Variants in NCAM1 observed in about 807,000 individuals in gnomAD.
The protein encoded by NCAM1 is neural cell adhesion molecule 1, also known as antigen recognized by monoclonal antibody 5.1H11.
NCAM1 carries 14 observed loss-of-function variants against 109.8 expected under a neutral mutation model. The ratio of observed to expected loss-of-function variants is 0.13; its 90% CI spans 0.08 to 0.20. NCAM1 has a LOEUF of 0.20. Among genes scored for constraint, NCAM1 ranks in the 10% least tolerant of loss-of-function variants. The probability of loss-of-function intolerance (pLI) is 1.00; values close to 1 mark genes in which losing one functional copy is unlikely to be tolerated. For synonymous variants in NCAM1, 418 were observed against 442.9 expected (o/e 0.94, Z 0.70); for missense variants, 774 against 1,109.9 (o/e 0.70, Z 4.30).
At chr11:113,210,775 AACACACACAC>A (rs35387760) in intron 7 of NCAM1, among the ~76,000 whole-genome samples, 2,048 of 130,970 alleles carry the variant, frequency 0.016, 28 homozygotes, top group East Asian at 0.061. Flanking sequence ...CTTCATCACA[AACACACACAC>A]ACACACACAC....
intron 1 of NCAM1, among the ~76,000 whole-genome samples, chr11:113,113,366 A>G (rs1415649299): frequency 6.6e-6 from 1 of 152,204 alleles, no homozygotes; most frequent in Non-Finnish European, 1.5e-5. Context: ...TGGGCAATGT[A>G]AAGAAATAAG....
At chr11:113,224,103 C>T (rs782397597) in intron 9 of NCAM1, among the ~76,000 whole-genome samples, 9 of 152,220 alleles carry the variant, frequency 5.9e-5, no homozygotes, top group Non-Finnish European at 8.8e-5. Context: ...GTGGGTGCAG[C>T]GCACCGAGCG....
chr11:113,141,018 G>A (rs1941799801), intron 1 of NCAM1, among the ~76,000 whole-genome samples: 1 of 152,004 alleles, frequency 6.6e-6, no homozygotes, highest in Non-Finnish European at 1.5e-5. Flanking sequence ...TCTTCCTGTT[G>A]TTCACTTATG....
chr11:113,177,457 T>A lies in NCAM1; in HGVS notation c.53-24922T>A, dbSNP rs138422953. ...TTGTTGTTGTTGTTGTTGTTGTTGC[T>A]GGAGTCTCGCTCTGTCATCAGGCTG... On this transcript the variant is annotated intron_variant, in intron 1 of 19. Transcript: ENST00000316851. Among the ~76,000 whole-genome samples, 634 of 152,262 alleles carry A rather than the reference T, an allele frequency of 4.2e-3. 3 individuals are homozygous for A. The highest frequency in any genetic ancestry group is 0.015 in the African/African-American group (603 of 41,548).
intron 1 of NCAM1, among the ~76,000 whole-genome samples, chr11:113,089,588 G>T (rs926485932): frequency 1.3e-5 from 2 of 152,074 alleles, no homozygotes; most frequent in Non-Finnish European, 2.9e-5. Flanking sequence ...ACAGCACCGT[G>T]CCTGGCTATG....
Position 113,276,733 on chromosome 11 carries a change from CAAA to C in NCAM1, c.*1348_*1350del, listed in dbSNP as rs1471622086. On this transcript the variant is annotated 3_prime_UTR_variant, in exon 20 of 20. Coordinates refer to ENST00000316851, the MANE Select transcript of NCAM1 (RefSeq NM_181351.5). ...TTCACTTAGGCAGCATTTATAGAAA[CAAA>C]AGAAGAAAGAAACAACCTACTGTCT... is the stretch of plus-strand genomic sequence containing the variant. 1 of 133,834 alleles carries C rather than the reference CAAA, an allele frequency of 7.5e-6. No individual in the cohort carries two copies. The highest frequency in any genetic ancestry group is 1.5e-5 in the Non-Finnish European group (1 of 64,694). 8.3% of individuals were successfully genotyped at this position (133,834 alleles called of 1,614,324 possible).
chr11:113,234,932 A>T, intron 13 of NCAM1, 101 bp from the exon 14 acceptor site: 2 of 1,388,434 alleles, frequency 1.4e-6, no homozygotes, highest in Non-Finnish European at 1.9e-6. Flanking sequence ...CCAAATGATA[A>T]ATCTACAGTT....
intron 17 of NCAM1, chr11:113,263,571 A>G (rs1946065623): frequency 1.0e-6 from 1 of 985,534 alleles, no homozygotes. Flanking sequence ...ATGTGCTTTC[A>G]GTCCTCGTAT....
At chr11:113,259,212 C>T (rs576913123) in intron 16 of NCAM1, among the ~76,000 whole-genome samples, 5 of 151,624 alleles carry the variant, frequency 3.3e-5, no homozygotes, top group East Asian at 1.9e-4. Context: ...CCACTACGCC[C>T]GGCTAATTTT....
At chr11:113,231,168 G>A (rs1272350220) in intron 9 of NCAM1, 7 of 1,528,642 alleles carry the variant, frequency 4.6e-6, no homozygotes, top group Non-Finnish European at 6.1e-6. Flanking sequence ...AATTTCTTAT[G>A]TTGGGCACTT....
chr11:113,130,857 G>C (rs895003661), intron 1 of NCAM1: 1 of 152,202 alleles, frequency 6.6e-6, no homozygotes. Flanking sequence ...TGTGATGGGG[G>C]TGTGTGTGAT....
At chr11:113,130,221 ATATTTT>A (rs1425565313) in intron 1 of NCAM1, among the ~76,000 whole-genome samples, 1 of 152,216 alleles carries the variant, frequency 6.6e-6, no homozygotes, top group Admixed American at 6.5e-5. Context: ...TCTGCAAACA[ATATTTT>A]TAGGAGCATT....
intron 16 of NCAM1, among the ~76,000 whole-genome samples, chr11:113,259,050 ATTTTTT>A (rs558552786): frequency 7.5e-6 from 1 of 134,076 alleles, no homozygotes; most frequent in Non-Finnish European, 1.6e-5. Context: ...AATAGTTTTC[ATTTTTT>A]TTTTTTTTTT....
At chr11:113,008,991 C>G (rs1249815482) in intron 1 of NCAM1, among the ~76,000 whole-genome samples, 1 of 152,148 alleles carries the variant, frequency 6.6e-6, no homozygotes, top group Non-Finnish European at 1.5e-5. Flanking sequence ...ACCGATCTCC[C>G]ATGGGGGCCT....
At chr11:113,158,357 C>G (rs192471313) in intron 1 of NCAM1, among the ~76,000 whole-genome samples, 40 of 152,270 alleles carry the variant, frequency 2.6e-4, no homozygotes, top group Non-Finnish European at 5.0e-4. Flanking sequence ...GTAGTTATTT[C>G]ATGAAAAAAT....
intron 1 of NCAM1, among the ~76,000 whole-genome samples, chr11:113,045,528 C>T (rs1953235305): frequency 6.6e-6 from 1 of 152,152 alleles, no homozygotes; most frequent in African/African-American, 2.4e-5. Context: ...GCGAGCTTGC[C>T]GTGGGATCAC....
intron 1 of NCAM1, among the ~76,000 whole-genome samples, chr11:113,089,549 A>G (rs1260640313): frequency 6.6e-6 from 1 of 151,928 alleles, no homozygotes; most frequent in Non-Finnish European, 1.5e-5. Context: ...ACCCACCTCC[A>G]CCTCCCAAGT....
chr11:113,112,288 C>T (rs533445781), intron 1 of NCAM1, among the ~76,000 whole-genome samples: 6 of 152,238 alleles, frequency 3.9e-5, no homozygotes, highest in Admixed American at 2.0e-4. Context: ...ATTTACCATT[C>T]GAAACTTACT....
At chr11:113,259,386 A>G (rs1016318275) in intron 16 of NCAM1, among the ~76,000 whole-genome samples, 8 of 152,220 alleles carry the variant, frequency 5.3e-5, no homozygotes, top group African/African-American at 1.4e-4. Flanking sequence ...GAATCTACAC[A>G]GTATTCACAC....
Sources: allele counts gnomAD v4.1 joint callset (sites outside exome capture counted in the v4.1 genomes callset), GRCh38; gene constraint gnomAD v4.1.1; transcripts MANE v1.5; gene names NCBI Gene and HGNC (gene_info 2026-07-23, HGNC 2026-07-21).